RAD50: variants seen among roughly 807,000 people sequenced by gnomAD.
RAD50 encodes the protein DNA repair protein RAD50.
A neutral mutation model predicts 168.8 loss-of-function variants in RAD50; 132 were observed. The observed-to-expected ratio is 0.78, with a 90% CI of 0.68 to 0.90. RAD50 has a LOEUF of 0.90. Ranked by LOEUF, RAD50 falls within the 40% of genes least tolerant of loss-of-function variation. The probability of loss-of-function intolerance (pLI) is 0.00; values close to 1 mark genes in which losing one functional copy is unlikely to be tolerated. For synonymous variants in RAD50, 525 were observed against 497.4 expected (o/e 1.06, Z -0.74); for missense variants, 1,347 against 1,534.4 (o/e 0.88, Z 2.04).
chr5:132,629,096 G>A (rs557335731), intron 21 of RAD50, among the ~76,000 whole-genome samples: 3 of 152,258 alleles, frequency 2.0e-5, no homozygotes, highest in Non-Finnish European at 2.9e-5. Flanking sequence ...AAAAACATAC[G>A]TAGGAGCTCT....
chr5:132,564,359 G>C (rs1184202167), intron 2 of RAD50, among the ~76,000 whole-genome samples: 1 of 152,210 alleles, frequency 6.6e-6, no homozygotes, highest in Non-Finnish European at 1.5e-5. Context: ...TGGAGTAAAG[G>C]TCACTCTTGC....
intron 3 of RAD50, 45 bp downstream of exon 3, chr5:132,575,973 T>C: frequency 6.5e-7 from 1 of 1,528,596 alleles, no homozygotes; most frequent in Non-Finnish European, 9.0e-7. Flanking sequence ...TTTTCAGTCT[T>C]TTAGGTCTGT....
At chr5:132,617,967 A>T in intron 20 of RAD50, 103 bp from the exon 21 acceptor site, 1 of 959,718 alleles carries the variant, frequency 1.0e-6, no homozygotes. Flanking sequence ...CTGATTGCTA[A>T]GGAGAATGAT....
chr5:132,600,404 G>A (rs577060847), intron 13 of RAD50, among the ~76,000 whole-genome samples: 1 of 152,288 alleles, frequency 6.6e-6, no homozygotes, highest in South Asian at 2.1e-4. Flanking sequence ...ATTCTAGGCA[G>A]TGCAAAATCT....
chr5:132,618,025 A>C (rs750328275), intron 20 of RAD50, 45 bp from the exon 21 acceptor site: 10 of 1,521,636 alleles, frequency 6.6e-6, no homozygotes, highest in Non-Finnish European at 9.1e-6. Flanking sequence ...TCAGGTTGTT[A>C]AAAGCTAAAA....
intron 1 of RAD50, among the ~76,000 whole-genome samples, 183 bp downstream of exon 1, chr5:132,557,636 C>G (rs1750029072): frequency 6.6e-6 from 1 of 152,152 alleles, no homozygotes; most frequent in African/African-American, 2.4e-5. Context: ...CTGAAGCAGT[C>G]TCGGAAGGAT....
At chr5:132,638,380 T>C (rs1449211982) in intron 23 of RAD50, 157 bp downstream of exon 23, 2 of 854,696 alleles carry the variant, frequency 2.3e-6, no homozygotes, top group East Asian at 5.3e-5. Context: ...ATTATTACAC[T>C]CTCCTGAAGC....
In RAD50 at chr5:132,638,164, G is replaced by T. The variant is rs771855501; in HGVS notation, c.3559G>T (p.Val1187Leu). 6.2e-7 allele frequency: 1 copy of T among 1,614,206 alleles called. No homozygotes were observed. Among genetic ancestry groups the T allele is most frequent in the Non-Finnish European group, 8.5e-7 (1 of 1,180,028 alleles). Residue 1187 changes from valine (V) to leucine (L), a missense_variant, in exon 23 of 25, where the codon GTG (valine) becomes TTG (leucine). Val to Leu is a conservative substitution (Grantham distance 32). Coordinates refer to ENST00000378823, the MANE Select transcript of RAD50 (RefSeq NM_005732.4). ...AAGGCGGAATTATAACTACCGAGTG[G>T]TGATGCTGAAGGGAGACACAGCCTT... is the stretch of plus-strand genomic sequence containing the variant. ...DKRRNYNYRV[V>L]MLKGDTALDM...
chr5:132,640,143 A>G (rs61541267), intron 23 of RAD50, among the ~76,000 whole-genome samples: 7,224 of 152,180 alleles, frequency 0.047, 562 homozygotes, highest in African/African-American at 0.17. Flanking sequence ...CCACATTTCT[A>G]TACTCCTGAT....
At position 132,638,098 on chromosome 5, in the gene RAD50, A is replaced by G. The variant is rs765807869; in HGVS notation, c.3493A>G (p.Ile1165Val). 3.7e-6 allele frequency: 6 copies of G among 1,614,134 alleles called. No homozygotes were observed. Among genetic ancestry groups the G allele is most frequent in the South Asian group, 3.3e-5 (3 of 91,086 alleles). ...TGTGTCAGATATTGAATACATAGAA[A>G]TACGGTCTGATGCCGATGAAAATGT... ...YRGQDIEYIE[I>V]RSDADENVSA... is the part of the protein sequence containing the mutation. The change falls in exon 23 of 25, where the codon ATA becomes GTA. Residue 1165 changes from isoleucine to valine, a missense_variant. Around this residue, in one of 3 missense-constraint regions of RAD50, gnomAD observed 635 missense variants for 739.2 expected, o/e 0.86. Transcript: ENST00000378823.
intron 19 of RAD50, among the ~76,000 whole-genome samples, chr5:132,612,389 T>C (rs927251605): frequency 6.6e-6 from 1 of 152,190 alleles, no homozygotes; most frequent in Non-Finnish European, 1.5e-5. Flanking sequence ...GATTTCCTTT[T>C]GGGATGATCA....
In RAD50 at chr5:132,588,811, G is replaced by A. The variant is rs751961454; in HGVS notation, c.1176G>A (p.Gln392=). ...GFERGPFSER[Q]IKNFHKLVRE... is the part of the protein sequence containing the mutation. ...AGCGTGGACCATTCAGTGAAAGACA[G>A]ATTAAAAATTTTCACAAACTTGTGA... Residue 392 remains glutamine (Q), a synonymous_variant, in exon 8 of 25, where the codon CAG becomes CAA. Transcript: ENST00000378823. 9 of 1,614,022 alleles carry A rather than the reference G, an allele frequency of 5.6e-6. No individual in the cohort carries two copies. The South Asian group carries it at 9.9e-5, about 18-fold the overall frequency.
At chr5:132,631,329 A>G (rs1751461729) in intron 21 of RAD50, among the ~76,000 whole-genome samples, 1 of 152,132 alleles carries the variant, frequency 6.6e-6, no homozygotes, top group South Asian at 2.1e-4. Context: ...CATGTTGGCC[A>G]GGGTGGTCTC....
intron 1 of RAD50, among the ~76,000 whole-genome samples, chr5:132,558,356 GTT>G (rs3052196): frequency 0.01 from 1,531 of 152,254 alleles, 28 homozygotes; most frequent in African/African-American, 0.035. Context: ...TTGTCTGATT[GTT>G]TGCGAGTGAC....
chr5:132,580,188 A>T lies in RAD50; in HGVS notation c.756+122A>T, dbSNP rs1750481860. 1.1e-5 allele frequency: 9 copies of T among 788,912 alleles called. 1 individual carries two copies. The highest frequency in any genetic ancestry group is 1.6e-5 in the Non-Finnish European group (8 of 487,718). The allele number at this position is 788,912 out of a possible 1,614,324, so 48.9% of individuals were successfully genotyped here. On this transcript the variant is annotated intron_variant, in intron 5 of 24. Coordinates refer to ENST00000378823, the MANE Select transcript of RAD50 (RefSeq NM_005732.4). ...CAAGCTATTTAACGTTCATTACTTC[A>T]ATTTTTTTATGGTGAGAACACTTAA...
At chr5:132,634,620 G>C (rs1751539346) in intron 21 of RAD50, among the ~76,000 whole-genome samples, 1 of 152,082 alleles carries the variant, frequency 6.6e-6, no homozygotes. Context: ...ATAATAGGAG[G>C]CATCTTTCTC....
At chr5:132,578,105 G>C (rs558989056) in intron 3 of RAD50, among the ~76,000 whole-genome samples, 1 of 152,002 alleles carries the variant, frequency 6.6e-6, no homozygotes, top group African/African-American at 2.4e-5. Flanking sequence ...GAGCCACCGC[G>C]CCCAGCCCCA....
rs1278218078 is a variant in RAD50, at chr5:132,579,868, T to A, written c.558T>A (p.Ile186=). 1.9e-6 allele frequency: 3 copies of A among 1,609,908 alleles called. No homozygotes were observed. Among genetic ancestry groups the A allele is most frequent in the Non-Finnish European group, 2.5e-6 (3 of 1,176,536 alleles). The change falls in exon 5 of 25, where the codon ATT becomes ATA. Residue 186 remains isoleucine, a synonymous_variant. Coordinates refer to ENST00000378823, the MANE Select transcript of RAD50 (RefSeq NM_005732.4). ...TTGTTTCATATCTTCAAAGATACAT[T>A]AAAGCCTTAGAAACACTTCGGCAGG... ...FDEIFSATRY[I]KALETLRQVR...
rs1225334593 is a variant in RAD50, at chr5:132,609,153, G to A, written c.2866G>A (p.Gly956Ser). ...DIKEKVKNIH[G>S]YMKDIENYIQ... is the part of the protein sequence containing the mutation. Reference sequence around the variant, plus strand: ...TAAAGAGAAGGTTAAAAATATTCATGGCTATATGAAAGACATTGAGAATTA... The same window carrying A: ...TAAAGAGAAGGTTAAAAATATTCATAGCTATATGAAAGACATTGAGAATTA... The change falls in exon 18 of 25, where the codon GGC becomes AGC. Residue 956 changes from glycine to serine, a missense_variant. Gly to Ser is a moderately conservative substitution (Grantham distance 56, BLOSUM62 0). Around this residue, in one of 3 missense-constraint regions of RAD50, gnomAD observed 635 missense variants for 739.2 expected, o/e 0.86. Transcript: ENST00000378823. 6.2e-7 allele frequency: 1 copy of A among 1,611,788 alleles called. No individual in the cohort carries two copies. Among genetic ancestry groups the A allele is most frequent in the South Asian group, 1.1e-5 (1 of 90,454 alleles).
Sources: gnomAD v4.1 joint callset for allele counts (sites outside exome capture counted in the v4.1 genomes callset) on GRCh38, gnomAD v4.1.1 for gene constraint, gnomAD v4.1.1 regional missense constraint, MANE v1.5 for transcripts, NCBI Gene and HGNC (gene_info 2026-07-23, HGNC 2026-07-21) for gene names.